The following MINDY4B variants were observed in gnomAD, a reference collection of about 807,000 sequenced individuals.
MINDY4B encodes the protein inactive ubiquitin carboxyl-terminal hydrolase MINDY-4B.
In MINDY4B, 25 loss-of-function variants were observed where a neutral mutation model predicts 16.7. The observed-to-expected ratio is 1.49, with a 90% CI of 1.09 to 2.09. The LOEUF is 2.09. MINDY4B is among the 30% of genes most tolerant of loss of function. The pLI, the probability that MINDY4B is intolerant of heterozygous loss-of-function variation, is 0.00. For missense variants in MINDY4B, 327 were observed against 168.4 expected (o/e 1.94, Z -5.21); for synonymous variants, 132 against 61.9 (o/e 2.13, Z -5.32).
At chr3:150,885,205 G>A (rs1470906174) in intron 8 of MINDY4B, among the ~76,000 whole-genome samples, 163 bp downstream of exon 8, 1 of 152,088 alleles carries the variant, frequency 6.6e-6, no homozygotes, top group Non-Finnish European at 1.5e-5. Context: ...CCATTAAGAT[G>A]GCCAAACCAA....
intron 3 of MINDY4B, among the ~76,000 whole-genome samples, chr3:150,897,725 T>G (rs909229364): frequency 6.6e-6 from 1 of 152,174 alleles, no homozygotes; most frequent in South Asian, 2.1e-4. Flanking sequence ...AGGGGGCAGG[T>G]GCACTTCAGG....
At chr3:150,891,754 TC>T (rs1711813479) in intron 5 of MINDY4B, among the ~76,000 whole-genome samples, 1 of 99,200 alleles carries the variant, frequency 1.0e-5, no homozygotes, top group African/African-American at 4.1e-5. Context: ...AGAGTGAGAC[TC>T]CATCTCAAAA....
chr3:150,873,604 T>A (rs1025128188), intron 10 of MINDY4B, among the ~76,000 whole-genome samples: 7 of 152,190 alleles, frequency 4.6e-5, no homozygotes, highest in African/African-American at 1.4e-4. Context: ...TATATTAAAA[T>A]TTTTTTGGTG....
At position 150,892,798 on chromosome 3, in the gene MINDY4B, T is replaced by A. The variant is rs371788034; in HGVS notation, c.521+526A>T. 3.4e-3 allele frequency among the ~76,000 whole-genome samples: 409 copies of A among 119,058 alleles called. 2 individuals carry two copies. Among genetic ancestry groups the A allele is most frequent in the Admixed American group, 6.2e-3 (77 of 12,366 alleles). The allele number at this position is 119,058 out of a possible 152,430, so 78.1% of individuals were successfully genotyped here. A position where few individuals can be genotyped will look rare whatever the true frequency, so the allele number is the denominator to read the frequency against. ...TAGCTCTACTAAAAAAAAAAAAAAATACAAAAAATTAGCCGGGTGTAATCC... is the reference window on the plus strand; with the variant it reads ...TAGCTCTACTAAAAAAAAAAAAAAAAACAAAAAATTAGCCGGGTGTAATCC... On this transcript the variant is annotated intron_variant, in intron 5 of 11. Transcript: ENST00000465419.
chr3:150,902,042 C>T (rs1380091245), intron 3 of MINDY4B, among the ~76,000 whole-genome samples: 1 of 152,028 alleles, frequency 6.6e-6, no homozygotes, highest in Non-Finnish European at 1.5e-5. Flanking sequence ...GTCAGGGTCA[C>T]CAGCCTTCAT....
rs541540030 is a variant in MINDY4B at position 150,900,749 on chromosome 3, T to G, written c.309+2500A>C. Among the ~76,000 whole-genome samples, 13 of 152,350 alleles carry G rather than the reference T, an allele frequency of 8.5e-5. No individual in the cohort carries two copies. The East Asian group carries it at 2.5e-3, about 29-fold the overall frequency. On this transcript the variant is annotated intron_variant, in intron 3 of 11. Coordinates refer to ENST00000465419, the MANE Select transcript of MINDY4B (RefSeq NM_001351281.2). ...CTTTTTCCAAAGGGAGAACATTACC[T>G]TGGCATAGTCATGGGGCGGTCCCCA...
intron 3 of MINDY4B, chr3:150,901,116 C>T (rs1262745162): frequency 1.3e-5 from 2 of 152,106 alleles, no homozygotes; most frequent in Non-Finnish European, 2.9e-5. Flanking sequence ...TTTTCAGATA[C>T]GTGTAAATTT....
intron 9 of MINDY4B, 47 bp from the exon 10 acceptor site, chr3:150,883,105 A>G: frequency 1.7e-6 from 1 of 578,206 alleles, no homozygotes; most frequent in South Asian, 2.1e-5. Context: ...TAGCAATGAA[A>G]CAATAACTTA....
intron 5 of MINDY4B, among the ~76,000 whole-genome samples, chr3:150,892,871 C>T (rs1004560847): frequency 3.4e-5 from 5 of 149,174 alleles, no homozygotes; most frequent in African/African-American, 1.2e-4. Flanking sequence ...ACCTGGGAGG[C>T]GGAGGTTGCA....
chr3:150,885,573 C>T (rs1576611757), intron 7 of MINDY4B, 135 bp from the exon 8 acceptor site: 1 of 636,260 alleles, frequency 1.6e-6, no homozygotes, highest in Non-Finnish European at 2.8e-6. Context: ...AGCTCCTCTG[C>T]CTCCATAAGT....
At chr3:150,900,766 C>T (rs377600222) in intron 3 of MINDY4B, among the ~76,000 whole-genome samples, 67 of 152,216 alleles carry the variant, frequency 4.4e-4, no homozygotes, top group African/African-American at 1.2e-3. Flanking sequence ...AGTCATGGGG[C>T]GGTCCCCAGT....
chr3:150,876,237 T>C (rs572600593), intron 10 of MINDY4B, among the ~76,000 whole-genome samples: 1 of 152,342 alleles, frequency 6.6e-6, no homozygotes, highest in East Asian at 1.9e-4. Flanking sequence ...TAAGCCAATG[T>C]AAAATTACAA....
intron 2 of MINDY4B, 22 bp downstream of exon 2, chr3:150,905,040 T>C (rs745756800): frequency 5.3e-5 from 21 of 398,414 alleles, no homozygotes; most frequent in Non-Finnish European, 8.8e-6. Flanking sequence ...GAGAACACAC[T>C]GGCTTTGGGA....
chr3:150,876,327 C>G (rs761437660), intron 10 of MINDY4B, among the ~76,000 whole-genome samples: 4 of 152,010 alleles, frequency 2.6e-5, no homozygotes, highest in Non-Finnish European at 5.9e-5. Context: ...TTTATGCTGT[C>G]TAGAACAATG....
chr3:150,888,193 G>A (rs1398964395), intron 7 of MINDY4B, among the ~76,000 whole-genome samples: 4 of 151,972 alleles, frequency 2.6e-5, no homozygotes, highest in African/African-American at 7.3e-5. Context: ...GGTGGTTGCC[G>A]CCATTCCTTG....
chr3:150,900,416 G>A (rs924467103), intron 3 of MINDY4B, among the ~76,000 whole-genome samples: 29 of 152,228 alleles, frequency 1.9e-4, no homozygotes, highest in African/African-American at 7.0e-4. Context: ...GATTTCTGGA[G>A]TGGTATTAGG....
chr3:150,874,164 C>T (rs1030243652), intron 10 of MINDY4B, among the ~76,000 whole-genome samples: 3 of 151,872 alleles, frequency 2.0e-5, no homozygotes, highest in Admixed American at 1.3e-4. Context: ...TACAGGTGGA[C>T]ACCATCATGC....
At chr3:150,893,913 A>G (rs1422879194) in intron 4 of MINDY4B, among the ~76,000 whole-genome samples, 1 of 150,804 alleles carries the variant, frequency 6.6e-6, no homozygotes, top group Non-Finnish European at 1.5e-5. Context: ...CTGATCTTGA[A>G]CTCCTGACTT....
At chr3:150,875,930 C>A (rs894460170) in intron 10 of MINDY4B, among the ~76,000 whole-genome samples, 2 of 152,178 alleles carry the variant, frequency 1.3e-5, no homozygotes, top group African/African-American at 2.4e-5. Context: ...TCTTGGCACA[C>A]CATATAAGCA....
Sources: allele counts gnomAD v4.1 joint callset (sites outside exome capture counted in the v4.1 genomes callset), GRCh38; gene constraint gnomAD v4.1.1; transcripts MANE v1.5; gene names NCBI Gene and HGNC (gene_info 2026-07-23, HGNC 2026-07-21).